The following APBA1 variants were observed in gnomAD, a reference collection of about 807,000 sequenced individuals.
APBA1 encodes the protein amyloid-beta A4 precursor protein-binding family A member 1.
APBA1 carries 55 observed loss-of-function variants against 86.6 expected under a neutral mutation model. The ratio of observed to expected loss-of-function variants is 0.64; its 90% CI spans 0.51 to 0.80. The LOEUF is 0.80. Ranked by LOEUF, APBA1 falls within the 30% of genes least tolerant of loss-of-function variation. The probability of loss-of-function intolerance (pLI) is 0.00; values close to 1 mark genes in which losing one functional copy is unlikely to be tolerated. For synonymous variants in APBA1, 511 were observed against 493.9 expected, an observed-to-expected ratio of 1.03 and a Z score of -0.46; for missense variants, 1,090 against 1,183.0, an observed-to-expected ratio of 0.92 and a Z score of 1.15.
chr9:69,622,708 A>T (rs1822845620), intron 1 of APBA1, among the ~76,000 whole-genome samples: 1 of 152,184 alleles, frequency 6.6e-6, no homozygotes, highest in Non-Finnish European at 1.5e-5. Context: ...ATGTCATTGC[A>T]GCCTCGGGCC....
intron 1 of APBA1, among the ~76,000 whole-genome samples, chr9:69,640,191 C>T (rs1250839922): frequency 6.6e-6 from 1 of 152,154 alleles, no homozygotes; most frequent in Non-Finnish European, 1.5e-5. Context: ...TACTTACACA[C>T]ACACTCACAC....
intron 2 of APBA1, among the ~76,000 whole-genome samples, chr9:69,489,852 T>A (rs932221735): frequency 1.3e-5 from 2 of 152,026 alleles, no homozygotes; most frequent in Non-Finnish European, 2.9e-5. Flanking sequence ...TGTGGAGAAA[T>A]AGGAACACTT....
intron 10 of APBA1, among the ~76,000 whole-genome samples, chr9:69,442,250 G>A (rs770324462): frequency 2.6e-5 from 4 of 152,212 alleles, no homozygotes; most frequent in Non-Finnish European, 5.9e-5. Context: ...TCAAGTCATG[G>A]TATGCAGGAG....
chr9:69,456,559 C>A, intron 7 of APBA1, 127 bp from the exon 8 acceptor site: 1 of 998,466 alleles, frequency 1.0e-6, no homozygotes, highest in Non-Finnish European at 1.5e-6. Flanking sequence ...CACTGCAAAG[C>A]CCATGCTGAG....
At chr9:69,530,811 CA>C (rs1326011795) in intron 1 of APBA1, among the ~76,000 whole-genome samples, 1 of 151,964 alleles carries the variant, frequency 6.6e-6, no homozygotes, top group African/African-American at 2.4e-5. Flanking sequence ...ACTTATCCTC[CA>C]AAAAAAGTCT....
chr9:69,645,957 G>C (rs991916013), intron 1 of APBA1, among the ~76,000 whole-genome samples: 4 of 152,168 alleles, frequency 2.6e-5, no homozygotes, highest in African/African-American at 9.7e-5. Flanking sequence ...TAAGAACTCT[G>C]ACTGATACAC....
In APBA1 at chr9:69,540,296, A is replaced by G. The variant is rs141446088; in HGVS notation, c.-69-23017T>C. Reference sequence around the variant, plus strand: ...TTATTGTTGGTCTCTCTCCCCCACCATGACTGTGTCCCTAGTGTCTGGAAT... The same window carrying G: ...TTATTGTTGGTCTCTCTCCCCCACCGTGACTGTGTCCCTAGTGTCTGGAAT... On this transcript the variant is annotated intron_variant, in intron 1 of 12. Coordinates refer to ENST00000265381, the MANE Select transcript of APBA1 (RefSeq NM_001163.4). 5.2e-3 allele frequency among the ~76,000 whole-genome samples: 798 copies of G among 152,224 alleles called. 5 individuals are homozygous for G. Among genetic ancestry groups the G allele is most frequent in the African/African-American group, 0.018 (768 of 41,538 alleles).
At chr9:69,496,010 A>G (rs1296448182) in intron 2 of APBA1, among the ~76,000 whole-genome samples, 1 of 152,142 alleles carries the variant, frequency 6.6e-6, no homozygotes, top group African/African-American at 2.4e-5. Context: ...TCCAGGGCCA[A>G]TACGGTTTGA....
chr9:69,510,477 G>A lies in APBA1; in HGVS notation c.1200+5534C>T, dbSNP rs1413689007. On this transcript the variant is annotated intron_variant, in intron 2 of 12. Transcript: ENST00000265381. ...CTCATGGGTAGGAAGAATCAATATC[G>A]TGAAAATGGCCATACTGCCCAAGGT... Among the ~76,000 whole-genome samples, 8 of 136,056 alleles carry A rather than the reference G, an allele frequency of 5.9e-5. No individual in the cohort carries two copies. In the South Asian group the frequency reaches 7.7e-4, roughly 13 times the overall value. 89.3% of individuals were successfully genotyped at this position (136,056 alleles called of 152,430 possible). A position where few individuals can be genotyped will look rare whatever the true frequency, so the allele number is the denominator to read the frequency against.
At chr9:69,626,386 T>C (rs939643950) in intron 1 of APBA1, among the ~76,000 whole-genome samples, 1 of 152,152 alleles carries the variant, frequency 6.6e-6, no homozygotes. Context: ...TTAGGAACTG[T>C]TAGTACTTTT....
At chr9:69,533,560 G>A (rs1260489507) in intron 1 of APBA1, among the ~76,000 whole-genome samples, 1 of 151,956 alleles carries the variant, frequency 6.6e-6, no homozygotes, top group Non-Finnish European at 1.5e-5. Context: ...CACATTTCAG[G>A]TTTCTTGCTG....
chr9:69,458,201 GA>G lies in APBA1; in HGVS notation c.1483-14del. 6.2e-7 allele frequency: 1 copy of G among 1,606,716 alleles called. No individual in the cohort carries two copies. The highest frequency in any genetic ancestry group is 1.1e-5 in the South Asian group (1 of 89,260). ...ATTTCTGGGCCATCTGCTTAGCATG[GA>G]ACAAACAGAGACAGGAGAATAGTTA... On this transcript the variant is annotated splice_polypyrimidine_tract_variant and intron_variant, in intron 5 of 12. Coordinates refer to ENST00000265381, the MANE Select transcript of APBA1 (RefSeq NM_001163.4).
intron 2 of APBA1, among the ~76,000 whole-genome samples, chr9:69,491,494 A>T (rs920997752): frequency 4.0e-5 from 6 of 151,888 alleles, no homozygotes; most frequent in African/African-American, 1.5e-4. Flanking sequence ...TAGGAGAGAT[A>T]CCTAATGTAA....
intron 2 of APBA1, among the ~76,000 whole-genome samples, chr9:69,482,449 C>T (rs1181027206): frequency 6.6e-6 from 1 of 151,122 alleles, no homozygotes; most frequent in Non-Finnish European, 1.5e-5. Flanking sequence ...GTTAGAATGG[C>T]AATCATTAAA....
At chr9:69,622,689 A>G (rs141198597) in intron 1 of APBA1, among the ~76,000 whole-genome samples, 13 of 152,306 alleles carry the variant, frequency 8.5e-5, no homozygotes, top group African/African-American at 2.6e-4. Flanking sequence ...AGTCACCCTC[A>G]CGTCATCTAT....
intron 11 of APBA1, among the ~76,000 whole-genome samples, chr9:69,439,630 C>G (rs963056276): frequency 1.3e-5 from 2 of 152,072 alleles, no homozygotes; most frequent in Non-Finnish European, 2.9e-5. Flanking sequence ...GTTTTCAGCT[C>G]CATCAGGTCC....
intron 2 of APBA1, among the ~76,000 whole-genome samples, chr9:69,502,147 C>T (rs1392008127): frequency 6.7e-6 from 1 of 149,866 alleles, no homozygotes; most frequent in African/African-American, 2.5e-5. Context: ...TAAAAAAGAT[C>T]AATCTTCTCC....
chr9:69,669,531 T>C (rs1452910171), intron 1 of APBA1, among the ~76,000 whole-genome samples: 1 of 152,232 alleles, frequency 6.6e-6, no homozygotes, highest in Non-Finnish European at 1.5e-5. Context: ...ATTAACCTTA[T>C]ACCAGTCCGA....
chr9:69,543,425 T>A (rs1387727821), intron 1 of APBA1, among the ~76,000 whole-genome samples: 1 of 152,160 alleles, frequency 6.6e-6, no homozygotes, highest in Admixed American at 6.5e-5. Context: ...TACTTGATTT[T>A]GTACCCTGCT....
Sources: gnomAD v4.1 joint callset for allele counts (sites outside exome capture counted in the v4.1 genomes callset) on GRCh38, gnomAD v4.1.1 for gene constraint, MANE v1.5 for transcripts, NCBI Gene and HGNC (gene_info 2026-07-23, HGNC 2026-07-21) for gene names.